EZH1: variants seen among roughly 807,000 people sequenced by gnomAD.
The protein encoded by EZH1 is enhancer of zeste 1 polycomb repressive complex 2 subunit.
Under a neutral mutation model 100.5 loss-of-function variants are expected in EZH1, and 33 were observed. The observed-to-expected ratio is 0.33, with a 90% CI of 0.25 to 0.44. The LOEUF (loss-of-function observed/expected upper bound fraction) is 0.44, where lower values mean the gene tolerates loss of function less well. EZH1 is among the 20% of genes least tolerant of loss of function. EZH1 has a pLI of 1.00. For missense variants in EZH1, 475 were observed against 928.4 expected, an observed-to-expected ratio of 0.51 and a Z score of 6.35; for synonymous variants, 272 against 313.8, an observed-to-expected ratio of 0.87 and a Z score of 1.41.
intron 1 of EZH1, among the ~76,000 whole-genome samples, chr17:42,732,997 A>G (rs2053982102): frequency 6.8e-6 from 1 of 146,324 alleles, no homozygotes; most frequent in Non-Finnish European, 1.5e-5. Flanking sequence ...GGACTCTGAG[A>G]CCAGCCTGGG....
rs948816570 is a variant in EZH1 at position 42,704,822 on chromosome 17, T to A, written c.1936-139A>T. ...TGATGAGAATCACAAGAGAGCAAGT[T>A]CAAGTTATGCTGTTCCAATTCCCAC... On this transcript the variant is annotated intron_variant, in intron 17 of 20. Coordinates refer to ENST00000428826, the MANE Select transcript of EZH1 (RefSeq NM_001991.5). The A allele has an allele frequency of 4.8e-5, 35 of 724,340 alleles. No individual in the cohort carries two copies. The African/African-American group carries it at 6.3e-4, about 13-fold the overall frequency. 44.9% of individuals were successfully genotyped at this position (724,340 alleles called of 1,614,324 possible). A position where few individuals can be genotyped will look rare whatever the true frequency, so the allele number is the denominator to read the frequency against.
intron 16 of EZH1, chr17:42,705,495 T>C (rs913753378): frequency 9.3e-6 from 2 of 213,914 alleles, no homozygotes; most frequent in Non-Finnish European, 1.9e-5. Flanking sequence ...TCGCAGCTCC[T>C]TTTTGTCTGG....
chr17:42,736,759 G>A lies in EZH1; in HGVS notation c.-102-5841C>T, dbSNP rs568170680. ...GAGGCAGGAGAATCGCTTGAACCTA[G>A]CAGGGCAGAGATTGCAGGGAGGTAG... is the stretch of plus-strand genomic sequence containing the variant. On this transcript the variant is annotated intron_variant, in intron 1 of 20. Transcript: ENST00000428826. Among the ~76,000 whole-genome samples, 74 of 152,200 alleles carry A rather than the reference G, an allele frequency of 4.9e-4. 1 individual carries two copies. Among genetic ancestry groups the A allele is most frequent in the Middle Eastern group, 6.8e-3 (2 of 294 alleles).
intron 19 of EZH1, 116 bp downstream of exon 19, chr17:42,703,624 C>T: frequency 1.4e-6 from 1 of 736,804 alleles, no homozygotes. Flanking sequence ...AGATATTAAT[C>T]ATGATTATCT....
intron 7 of EZH1, 56 bp from the exon 8 acceptor site, chr17:42,719,263 A>G: frequency 7.7e-7 from 1 of 1,292,424 alleles, no homozygotes; most frequent in Admixed American, 1.7e-5. Context: ...ACGTAAACAA[A>G]TCTGTGTGAT....
At chr17:42,712,143 C>G (rs1472826273) in intron 12 of EZH1, 146 bp downstream of exon 12, 2 of 833,090 alleles carry the variant, frequency 2.4e-6, no homozygotes, top group African/African-American at 3.4e-5. Flanking sequence ...GTTTGGGAAA[C>G]TCACAGAAGC....
At position 42,702,865 on chromosome 17, in the gene EZH1, C is replaced by T. The variant is rs58732756; in HGVS notation, c.2183+12G>A. 6.2e-7 allele frequency: 1 copy of T among 1,613,900 alleles called. No homozygotes were observed. The highest frequency in any genetic ancestry group is 1.3e-5 in the African/African-American group (1 of 75,018). ...CTGGGCCACATCCCAAGGACCATTA[C>T]TGGCACCTCACCTGTAATCAAAGAA... On this transcript the variant is annotated intron_variant, in intron 20 of 20. Transcript: ENST00000428826.
Position 42,709,978 on chromosome 17 carries a change from G to C in EZH1, c.1402-41C>G, listed in dbSNP as rs972824468. On this transcript the variant is annotated intron_variant, in intron 12 of 20. Transcript: ENST00000428826. Reference sequence around the variant, plus strand: ...AACGGGCCTGTCACTCCTCGAGCAAGGGGGTCAGGTAAGTGGCCCAGCTGG... The same window carrying C: ...AACGGGCCTGTCACTCCTCGAGCAACGGGGTCAGGTAAGTGGCCCAGCTGG... 10 of 1,595,664 alleles carry C rather than the reference G, an allele frequency of 6.3e-6. 1 individual carries two copies. In the Middle Eastern group the frequency reaches 8.3e-4, roughly 132 times the overall value.
At chr17:42,743,924 T>A (rs1199274574) in intron 1 of EZH1, among the ~76,000 whole-genome samples, 4 of 152,136 alleles carry the variant, frequency 2.6e-5, no homozygotes, top group Non-Finnish European at 5.9e-5. Context: ...CAATATCAGT[T>A]TCCTAAATTT....
At chr17:42,717,026 G>C (rs968649351) in intron 10 of EZH1, among the ~76,000 whole-genome samples, 7 of 152,132 alleles carry the variant, frequency 4.6e-5, no homozygotes, top group African/African-American at 1.7e-4. Flanking sequence ...TTAAAAGCAT[G>C]ATCTGTGGAG....
rs144304934 is a variant in EZH1, at chr17:42,705,309, C to T, written c.1840-126G>A. 1.7e-5 allele frequency: 10 copies of T among 572,940 alleles called. No individual in the cohort carries two copies. The African/African-American group carries it at 1.9e-4, about 11-fold the overall frequency. The allele number at this position is 572,940 out of a possible 1,614,324, so 35.5% of individuals were successfully genotyped here. A position where few individuals can be genotyped will look rare whatever the true frequency, so the allele number is the denominator to read the frequency against. On this transcript the variant is annotated intron_variant, in intron 16 of 20. Coordinates refer to ENST00000428826, the MANE Select transcript of EZH1 (RefSeq NM_001991.5). ...AGCAACTGTTAAGAGGATCTGAAAG[C>T]AGAAAAAGGTCTAACCCATTCTTTT...
Position 42,718,155 on chromosome 17 carries a change from G to C in EZH1, c.932-88C>G. 1 of 1,201,602 alleles carries C rather than the reference G, an allele frequency of 8.3e-7. No individual in the cohort carries two copies. The highest frequency in any genetic ancestry group is 1.2e-6 in the Non-Finnish European group (1 of 826,536). The allele number at this position is 1,201,602 out of a possible 1,614,324, so 74.4% of individuals were successfully genotyped here. On this transcript the variant is annotated intron_variant, in intron 9 of 20. Coordinates refer to ENST00000428826, the MANE Select transcript of EZH1 (RefSeq NM_001991.5). This position sits in a 1 kb window ranked among gnomAD's most constrained non-coding sequence, Gnocchi z 4.2. ...AAAGTGAATTAGAGAGCTATTGTAG[G>C]AGTTAGAATTCGATATAAACGGCTA...
rs75818419 is a variant in EZH1 at position 42,701,754 on chromosome 17, T to C, written c.*778A>G. 10,953 of 152,456 alleles carry C rather than the reference T, an allele frequency of 0.072. 1,209 individuals are homozygous for C. The highest frequency in any genetic ancestry group is 0.23 in the African/African-American group (9,633 of 41,498). The allele number at this position is 152,456 out of a possible 1,614,324, so 9.4% of individuals were successfully genotyped here. A position where few individuals can be genotyped will look rare whatever the true frequency, so the allele number is the denominator to read the frequency against. On this transcript the variant is annotated 3_prime_UTR_variant, in exon 21 of 21. Transcript: ENST00000428826. ...AACTTTGGAGGAGCTGGAGCACTGG[T>C]GTCTGTTCCCAGGAATCTGAAAACA... is the stretch of plus-strand genomic sequence containing the variant.
At chr17:42,724,803 A>T (rs545701227) in intron 4 of EZH1, among the ~76,000 whole-genome samples, 1 of 151,932 alleles carries the variant, frequency 6.6e-6, no homozygotes, top group African/African-American at 2.4e-5. Flanking sequence ...AGAGAAAAAA[A>T]ATGATCTTAG....
chr17:42,705,865 C>T, intron 16 of EZH1, 142 bp downstream of exon 16: 1 of 924,408 alleles, frequency 1.1e-6, no homozygotes, highest in Non-Finnish European at 1.5e-6. Context: ...TTTATTAATT[C>T]AGTAAATATG....
At chr17:42,727,872 A>T in intron 3 of EZH1, 109 bp from the exon 4 acceptor site, 1 of 810,718 alleles carries the variant, frequency 1.2e-6, no homozygotes, top group Non-Finnish European at 1.6e-6. Flanking sequence ...GCTGGAGTGT[A>T]GTAGCGCGAT....
At chr17:42,724,724 T>C in intron 4 of EZH1, 1 of 238,144 alleles carries the variant, frequency 4.2e-6, no homozygotes, top group Non-Finnish European at 8.6e-6. Context: ...AGGCAGAGGT[T>C]GAGTGAGCCA....
At chr17:42,730,024 C>G (rs2053909306) in intron 2 of EZH1, among the ~76,000 whole-genome samples, 2 of 151,750 alleles carry the variant, frequency 1.3e-5, no homozygotes, top group Admixed American at 1.3e-4. Context: ...GGCGACAGAG[C>G]AAGACTCCGT....
chr17:42,731,620 G>T (rs2053950167), intron 1 of EZH1, among the ~76,000 whole-genome samples: 1 of 152,026 alleles, frequency 6.6e-6, no homozygotes, highest in African/African-American at 2.4e-5. Context: ...AACATTACAA[G>T]GAGCTAGCCA....
Sources: allele counts gnomAD v4.1 joint callset (sites outside exome capture counted in the v4.1 genomes callset), GRCh38; gene constraint gnomAD v4.1.1; non-coding constraint Gnocchi (gnomAD v3.1); transcripts MANE v1.5; gene names NCBI Gene and HGNC (gene_info 2026-07-23, HGNC 2026-07-21).